The following ZCCHC14 variants were observed in gnomAD, a reference collection of about 807,000 sequenced individuals.
ZCCHC14 encodes the protein zinc finger CCHC-type containing 14, also known as zinc finger CCHC domain-containing protein 14.
Under a neutral mutation model 85.0 loss-of-function variants are expected in ZCCHC14, and 16 were observed. That is an observed-to-expected ratio of 0.19 (90% CI 0.13 to 0.29). ZCCHC14 has a LOEUF of 0.29. Among genes scored for constraint, ZCCHC14 ranks in the 10% least tolerant of loss-of-function variants. The pLI is 1.00. For missense variants in ZCCHC14, 1,303 were observed against 1,443.5 expected, an observed-to-expected ratio of 0.90 and a Z score of 1.58; for synonymous variants, 775 against 630.7, an observed-to-expected ratio of 1.23 and a Z score of -3.43.
chr16:87,477,959 C>T (rs770568981), intron 1 of ZCCHC14, among the ~76,000 whole-genome samples: 1 of 152,024 alleles, frequency 6.6e-6, no homozygotes, highest in Non-Finnish European at 1.5e-5. Context: ...CTCCACACAT[C>T]GCTCCCGAGT....
rs912211926 is a variant in ZCCHC14 at position 87,409,020 on chromosome 16, G to A, written c.*1260C>T. 1 of 152,412 alleles carries A rather than the reference G, an allele frequency of 6.6e-6. No individual in the cohort carries two copies. Among genetic ancestry groups the A allele is most frequent in the Non-Finnish European group, 1.5e-5 (1 of 67,998 alleles). 9.4% of individuals were successfully genotyped at this position (152,412 alleles called of 1,614,324 possible). Reference sequence around the variant, plus strand: ...AGACAAAAGGCTTTCATTTCCGTGGGTTGAAATTTAGAGATCTACAGTGAG... The same window carrying A: ...AGACAAAAGGCTTTCATTTCCGTGGATTGAAATTTAGAGATCTACAGTGAG... On this transcript the variant is annotated 3_prime_UTR_variant, in exon 13 of 13. Transcript: ENST00000671377.
chr16:87,461,268 G>A (rs1207580855), intron 1 of ZCCHC14, among the ~76,000 whole-genome samples: 1 of 152,246 alleles, frequency 6.6e-6, no homozygotes, highest in African/African-American at 2.4e-5. Flanking sequence ...GGGCCCAGAG[G>A]GGCGAGAGGA....
rs745888711 is a variant in ZCCHC14, at chr16:87,490,124, G to A, written c.570+1545C>T. ...TTAAAAAGAAAACTATAGTCTTGGA[G>A]GTAAATGTCACACACACAAAAATCA... On this transcript the variant is annotated intron_variant, in intron 1 of 12. Transcript: ENST00000671377. 7.9e-5 allele frequency among the ~76,000 whole-genome samples: 12 copies of A among 152,164 alleles called. No homozygotes were observed. In the South Asian group the frequency reaches 2.5e-3, roughly 32 times the overall value.
chr16:87,482,264 T>C (rs1194706121), intron 1 of ZCCHC14, among the ~76,000 whole-genome samples: 1 of 152,172 alleles, frequency 6.6e-6, no homozygotes, highest in Non-Finnish European at 1.5e-5. Context: ...GACTCATCAG[T>C]GTGACTGGCA....
intron 9 of ZCCHC14, 21 bp from the exon 10 acceptor site, chr16:87,414,562 G>C (rs143648304): frequency 1.9e-6 from 3 of 1,602,754 alleles, no homozygotes; most frequent in Non-Finnish European, 2.6e-6. Context: ...ATCAAGCACA[G>C]GAACAAGTGA....
At chr16:87,417,394 GC>G (rs1180229639) in intron 8 of ZCCHC14, 65 bp downstream of exon 8, 1 of 1,561,522 alleles carries the variant, frequency 6.4e-7, no homozygotes, top group Admixed American at 1.8e-5. Flanking sequence ...GAAACTCAAT[GC>G]CCCCAGGGAG....
chr16:87,469,968 A>G (rs1334996359), intron 1 of ZCCHC14, among the ~76,000 whole-genome samples: 4 of 152,216 alleles, frequency 2.6e-5, no homozygotes, highest in Non-Finnish European at 4.4e-5. Flanking sequence ...TGCCAGGCAC[A>G]GTGGCTCACG....
chr16:87,482,193 ACT>A (rs1912311618), intron 1 of ZCCHC14, among the ~76,000 whole-genome samples: 1 of 152,222 alleles, frequency 6.6e-6, no homozygotes, highest in Admixed American at 6.5e-5. Flanking sequence ...CCTTTGCCAC[ACT>A]GAGCTACTGG....
At chr16:87,423,565 A>T (rs1465063810) in intron 4 of ZCCHC14, among the ~76,000 whole-genome samples, 1 of 152,210 alleles carries the variant, frequency 6.6e-6, no homozygotes, top group Non-Finnish European at 1.5e-5. Flanking sequence ...TGCCCGGCGC[A>T]TCTCTCAGCC....
At chr16:87,427,809 T>C (rs1027705738) in intron 3 of ZCCHC14, among the ~76,000 whole-genome samples, 25 of 75,534 alleles carry the variant, frequency 3.3e-4, no homozygotes, top group Non-Finnish European at 6.6e-4. Context: ...AACTACTTTT[T>C]GTACTTTTTG....
chr16:87,477,854 C>A (rs1482595406), intron 1 of ZCCHC14, among the ~76,000 whole-genome samples: 1 of 148,092 alleles, frequency 6.8e-6, no homozygotes, highest in African/African-American at 2.5e-5. Flanking sequence ...GTCTGCTGCC[C>A]CTCACCGCAC....
Position 87,492,113 on chromosome 16 carries a change from G to C in ZCCHC14, c.126C>G (p.Arg42=). ...GGTCCTCCAGGCACGAGCCGAGGAA[G>C]CGAAGCTCGAGCGGGATGCACAGGT... The part of the protein sequence containing the change: ...LLDLCIPLEL[R]FLGSCLEDLA... Residue 42 remains arginine (R), a synonymous_variant, in exon 1 of 13, where the codon CGC becomes CGG. Transcript: ENST00000671377. This position sits in a 1 kb window ranked among gnomAD's most constrained non-coding sequence, Gnocchi z 6.7. 2.2e-6 allele frequency: 3 copies of C among 1,368,466 alleles called. No homozygotes were observed. Among genetic ancestry groups the C allele is most frequent in the South Asian group, 3.1e-5 (2 of 64,752 alleles). The allele number at this position is 1,368,466 out of a possible 1,614,324, so 84.8% of individuals were successfully genotyped here.
In ZCCHC14 at chr16:87,412,826, G is replaced by C; in HGVS notation, c.1895C>G (p.Pro632Arg). 11 of 1,609,984 alleles carry C rather than the reference G, an allele frequency of 6.8e-6. No homozygotes were observed. The highest frequency in any genetic ancestry group is 9.3e-6 in the Non-Finnish European group (11 of 1,177,556). Residue 632 changes from proline (P) to arginine (R), a missense_variant, in exon 12 of 13, where the codon CCG (proline) becomes CGG (arginine). This residue lies in a region of ZCCHC14 where 797 missense variants were observed against 730.8 expected (regional missense o/e 1.09). Coordinates refer to ENST00000671377, the MANE Select transcript of ZCCHC14 (RefSeq NM_015144.3). Reference sequence around the variant, plus strand: ...GTGTGAGGCTGCGCTCAGCATCTGCGGGGGCAGGGGGTGGTGGCCTGATGG... The same window carrying C: ...GTGTGAGGCTGCGCTCAGCATCTGCCGGGGCAGGGGGTGGTGGCCTGATGG... Reference protein sequence around the residue: ...SNPSGHHPLPPQMLSAASHIT... With the variant: ...SNPSGHHPLPRQMLSAASHIT...
intron 3 of ZCCHC14, among the ~76,000 whole-genome samples, chr16:87,425,337 G>C (rs1332242015): frequency 6.6e-6 from 1 of 152,172 alleles, no homozygotes; most frequent in Admixed American, 6.5e-5. Flanking sequence ...AGCACTTTGG[G>C]AGGCTGAGGT....
chr16:87,492,543 T>G lies in ZCCHC14; in HGVS notation c.-305A>C, dbSNP rs2150783841. 1.4e-5 allele frequency: 2 copies of G among 142,276 alleles called. No individual in the cohort carries two copies. Among genetic ancestry groups the G allele is most frequent in the East Asian group, 2.2e-4 (1 of 4,520 alleles). 8.8% of individuals were successfully genotyped at this position (142,276 alleles called of 1,614,324 possible). A position where few individuals can be genotyped will look rare whatever the true frequency, so the allele number is the denominator to read the frequency against. On this transcript the variant is annotated 5_prime_UTR_variant, in exon 1 of 13. Transcript: ENST00000671377. The surrounding 1 kb of genome is among the most constrained non-coding windows in gnomAD (Gnocchi z 6.7). Reference sequence around the variant, plus strand: ...GGCCCCCCGCTCACGGGGAGGCGCCTTCCCCGCGCCCGTGCCCAGCGGCGG... The same window carrying G: ...GGCCCCCCGCTCACGGGGAGGCGCCGTCCCCGCGCCCGTGCCCAGCGGCGG...
Position 87,412,189 on chromosome 16 carries a change from G to C in ZCCHC14, c.2532C>G (p.Ala844=), listed in dbSNP as rs566782487. 8 of 1,613,928 alleles carry C rather than the reference G, an allele frequency of 5.0e-6. No individual in the cohort carries two copies. Among genetic ancestry groups the C allele is most frequent in the East Asian group, 4.5e-5 (2 of 44,898 alleles). The change falls in exon 12 of 13, where the codon GCC becomes GCG. Residue 844 remains alanine, a synonymous_variant. Coordinates refer to ENST00000671377, the MANE Select transcript of ZCCHC14 (RefSeq NM_015144.3). ...QGGFCANSNT[A]SPSSHPSTSF... ...ACGTGGAGGGGTGGCTGCTGGGAGA[G>C]GCAGTGTTGCTGTTTGCACAGAAGC...
In ZCCHC14 at chr16:87,410,237, A is replaced by T. The variant is rs1243273815; in HGVS notation, c.*43T>A. On this transcript the variant is annotated 3_prime_UTR_variant, in exon 13 of 13. Transcript: ENST00000671377. ...CTCAGTTTTGTATTTAATTTTCCTT[A>T]TGTCTCCATGGCTTAATAACGTTCT... is the stretch of plus-strand genomic sequence containing the variant. 2 of 704,946 alleles carry T rather than the reference A, an allele frequency of 2.8e-6. No homozygotes were observed. Among genetic ancestry groups the T allele is most frequent in the East Asian group, 5.3e-5 (2 of 37,562 alleles). The allele number at this position is 704,946 out of a possible 1,614,324, so 43.7% of individuals were successfully genotyped here. A position where few individuals can be genotyped will look rare whatever the true frequency, so the allele number is the denominator to read the frequency against.
intron 3 of ZCCHC14, among the ~76,000 whole-genome samples, chr16:87,427,959 T>A (rs1211868414): frequency 1.7e-5 from 2 of 118,316 alleles, no homozygotes; most frequent in South Asian, 2.8e-4. Context: ...TTTTTTTTTT[T>A]AAGAGACAGG....
chr16:87,446,752 C>T (rs376817679), intron 2 of ZCCHC14, among the ~76,000 whole-genome samples: 7 of 152,050 alleles, frequency 4.6e-5, no homozygotes, highest in African/African-American at 7.2e-5. Context: ...TGCAGTGACG[C>T]GATCTTGGCT....
Sources: allele counts gnomAD v4.1 joint callset (sites outside exome capture counted in the v4.1 genomes callset), GRCh38; gene constraint gnomAD v4.1.1; regional missense constraint gnomAD v4.1.1; non-coding constraint Gnocchi (gnomAD v3.1); transcripts MANE v1.5; gene names NCBI Gene and HGNC (gene_info 2026-07-23, HGNC 2026-07-21).